Variants in ATE1 observed in about 807,000 individuals in gnomAD.
ATE1 encodes the protein arginyl-tRNA--protein transferase 1.
In ATE1, 36 loss-of-function variants were observed where a neutral mutation model predicts 70.5. The observed-to-expected ratio is 0.51, with a 90% CI of 0.39 to 0.67. The LOEUF (loss-of-function observed/expected upper bound fraction) is 0.67, where lower values mean the gene tolerates loss of function less well. Among genes scored for constraint, ATE1 ranks in the 30% least tolerant of loss-of-function variants. The pLI is 0.00. For missense variants in ATE1, 593 were observed against 629.5 expected (o/e 0.94, Z 0.62); for synonymous variants, 232 against 219.3 (o/e 1.06, Z -0.51).
At chr10:121,898,782 A>AT in intron 7 of ATE1, 1 of 1,577,614 alleles carries the variant, frequency 6.3e-7, no homozygotes, top group Non-Finnish European at 8.6e-7. Flanking sequence ...AGAAAATGGT[A>AT]TATATTATAC....
chr10:121,856,765 A>C (rs1949264666), intron 8 of ATE1, among the ~76,000 whole-genome samples: 1 of 152,230 alleles, frequency 6.6e-6, no homozygotes, highest in Non-Finnish European at 1.5e-5. Context: ...TGACACCAAA[A>C]GACTTGTTCA....
chr10:121,809,972 A>G (rs9651480), intron 10 of ATE1, among the ~76,000 whole-genome samples: 61,227 of 151,914 alleles, frequency 0.4, 14,035 homozygotes, highest in Non-Finnish European at 0.52. Flanking sequence ...AACACTGAAC[A>G]TCTCCACTCT....
chr10:121,854,558 A>C (rs1949174662), intron 8 of ATE1, among the ~76,000 whole-genome samples: 1 of 152,148 alleles, frequency 6.6e-6, no homozygotes, highest in Admixed American at 6.5e-5. Flanking sequence ...TGCAGCCATA[A>C]AGCTCTAACT....
At chr10:121,895,394 G>T (rs1590657627) in intron 7 of ATE1, among the ~76,000 whole-genome samples, 1 of 152,158 alleles carries the variant, frequency 6.6e-6, no homozygotes, top group South Asian at 2.1e-4. Context: ...TGGATCACGA[G>T]GTCAGGAGTT....
intron 1 of ATE1, chr10:121,927,459 G>T (rs1285563620): frequency 1.0e-6 from 1 of 984,954 alleles, no homozygotes; most frequent in Non-Finnish European, 1.2e-6. Context: ...CCTCTGCACC[G>T]CGTTTCGCCC....
At chr10:121,800,689 A>C (rs1946843447) in intron 10 of ATE1, among the ~76,000 whole-genome samples, 1 of 152,216 alleles carries the variant, frequency 6.6e-6, no homozygotes, top group African/African-American at 2.4e-5. Flanking sequence ...AACTAGATAA[A>C]GTTTAAGTCT....
At chr10:121,827,993 T>C (rs896609480) in intron 10 of ATE1, among the ~76,000 whole-genome samples, 2 of 152,242 alleles carry the variant, frequency 1.3e-5, no homozygotes, top group African/African-American at 4.8e-5. Flanking sequence ...GACCACATAC[T>C]GGTTTTCCTC....
intron 5 of ATE1, among the ~76,000 whole-genome samples, chr10:121,905,632 A>T (rs1951160361): frequency 6.6e-6 from 1 of 152,174 alleles, no homozygotes; most frequent in South Asian, 2.1e-4. Flanking sequence ...ACCTGAGGTC[A>T]GGAGTTTTGA....
intron 8 of ATE1, among the ~76,000 whole-genome samples, chr10:121,854,421 G>A (rs1033243299): frequency 2.0e-5 from 3 of 152,082 alleles, no homozygotes; most frequent in Non-Finnish European, 4.4e-5. Context: ...AAAAATTATA[G>A]TCAGCAGTTC....
chr10:121,907,108 A>G (rs1951226494), intron 5 of ATE1, among the ~76,000 whole-genome samples: 1 of 152,148 alleles, frequency 6.6e-6, no homozygotes, highest in South Asian at 2.1e-4. Flanking sequence ...TGTTCTTGAG[A>G]ACTAGGTTTC....
chr10:121,850,055 A>C (rs1948994718), intron 8 of ATE1, among the ~76,000 whole-genome samples: 1 of 152,208 alleles, frequency 6.6e-6, no homozygotes, highest in South Asian at 2.1e-4. Context: ...ATTTATCTAT[A>C]AGAGTGGTCA....
At chr10:121,817,548 AAAG>A (rs1468715138) in intron 10 of ATE1, among the ~76,000 whole-genome samples, 1 of 151,802 alleles carries the variant, frequency 6.6e-6, no homozygotes, top group East Asian at 1.9e-4. Flanking sequence ...CAAAAAAAAA[AAAG>A]AAGAGCTCAA....
At chr10:121,800,692 T>C (rs1450140232) in intron 10 of ATE1, among the ~76,000 whole-genome samples, 2 of 152,186 alleles carry the variant, frequency 1.3e-5, no homozygotes, top group African/African-American at 4.8e-5. Context: ...TAGATAAAGT[T>C]TAAGTCTTTT....
intron 10 of ATE1, among the ~76,000 whole-genome samples, chr10:121,806,367 C>G (rs1055267030): frequency 6.6e-6 from 1 of 152,094 alleles, no homozygotes; most frequent in African/African-American, 2.4e-5. Context: ...GTGGGAAGAT[C>G]ACTTGAGCCT....
chr10:121,783,189 G>C (rs1946067489), intron 11 of ATE1, among the ~76,000 whole-genome samples: 1 of 15,898 alleles, frequency 6.3e-5, no homozygotes, highest in African/African-American at 1.1e-4. Flanking sequence ...TAAAAGTACA[G>C]TATCTGTTCC....
In ATE1 at chr10:121,841,240, T is replaced by C. The variant is rs1448087983; in HGVS notation, c.999A>G (p.Pro333=). ...PLEAETPPNG[P]DCGYGSFHQQ... Reference sequence around the variant, plus strand: ...GGTGAAAGGAGCCATAGCCACAATCTGGCCCATTAGGGGGAGTCTCTGCCT... The same window carrying C: ...GGTGAAAGGAGCCATAGCCACAATCCGGCCCATTAGGGGGAGTCTCTGCCT... Residue 333 remains proline, a synonymous_variant, in exon 9 of 12, where the codon CCA becomes CCG. Transcript: ENST00000224652. 3.9e-6 allele frequency: 6 copies of C among 1,534,442 alleles called. No individual in the cohort carries two copies. In the East Asian group the frequency reaches 7.0e-5, roughly 18 times the overall value.
chr10:121,795,602 A>G (rs1405930730), intron 10 of ATE1, among the ~76,000 whole-genome samples: 4 of 152,208 alleles, frequency 2.6e-5, no homozygotes, highest in African/African-American at 7.2e-5. Flanking sequence ...ATCATCTGAA[A>G]TCACGTTTTT....
At chr10:121,893,796 C>T (rs1299974855) in intron 7 of ATE1, among the ~76,000 whole-genome samples, 3 of 151,346 alleles carry the variant, frequency 2.0e-5, no homozygotes, top group Non-Finnish European at 3.0e-5. Flanking sequence ...AGAAAATATT[C>T]GTTTAATACA....
intron 8 of ATE1, among the ~76,000 whole-genome samples, chr10:121,864,668 G>A (rs1176247105): frequency 6.6e-6 from 1 of 152,042 alleles, no homozygotes; most frequent in African/African-American, 2.4e-5. Flanking sequence ...CATGTTTTTT[G>A]TTCACTTTTT....
Sources: allele counts gnomAD v4.1 joint callset (sites outside exome capture counted in the v4.1 genomes callset), GRCh38; gene constraint gnomAD v4.1.1; transcripts MANE v1.5; gene names NCBI Gene and HGNC (gene_info 2026-07-23, HGNC 2026-07-21).